Variants in TENM4 observed in about 807,000 individuals in gnomAD.
The protein encoded by TENM4 is teneurin-4.
Under a neutral mutation model 243.3 loss-of-function variants are expected in TENM4, and 82 were observed. The ratio of observed to expected loss-of-function variants is 0.34; its 90% CI spans 0.28 to 0.40. The LOEUF is 0.40. Ranked by LOEUF, TENM4 falls within the 10% of genes least tolerant of loss-of-function variation. TENM4 has a pLI of 1.00. For missense variants in TENM4, 3,138 were observed against 3,673.3 expected, an observed-to-expected ratio of 0.85 and a Z score of 3.77; for synonymous variants, 1,412 against 1,456.3, an observed-to-expected ratio of 0.97 and a Z score of 0.69.
chr11:79,324,248 G>T (rs1264176712), intron 1 of TENM4, among the ~76,000 whole-genome samples: 1 of 151,648 alleles, frequency 6.6e-6, no homozygotes, highest in Non-Finnish European at 1.5e-5. Flanking sequence ...TAGAGACAGG[G>T]TCTCACTCTG....
In TENM4 at chr11:78,712,610, A is replaced by G. The variant is rs1310857302; in HGVS notation, c.3926T>C (p.Val1309Ala). 1 of 1,613,966 alleles carries G rather than the reference A, an allele frequency of 6.2e-7. No individual in the cohort carries two copies. The highest frequency in any genetic ancestry group is 1.1e-5 in the South Asian group (1 of 91,080). Residue 1309 changes from valine (V) to alanine (A), a missense_variant, in exon 26 of 34, where the codon GTG (valine) becomes GCG (alanine). Transcript: ENST00000278550. ...SRRVFKIKST[V>A]VVKDLVKNSE... ...GTTCTTGACAAGGTCCTTCACCACC[A>G]CAGTGGACTTGATTTTAAAGACCCG...
intron 6 of TENM4, among the ~76,000 whole-genome samples, chr11:78,972,617 T>A: frequency 6.6e-6 from 1 of 152,210 alleles, no homozygotes; most frequent in South Asian, 2.1e-4. Context: ...TCTGCTTGTT[T>A]GACACAGGTA....
In TENM4 at chr11:78,869,502, A is replaced by G. The variant is rs373692504; in HGVS notation, c.1085-6370T>C. On this transcript the variant is annotated intron_variant, in intron 9 of 33. Coordinates refer to ENST00000278550, the MANE Select transcript of TENM4 (RefSeq NM_001098816.3). ...TAGTGTCACAAGCAATAGGTAGAAGAGAAAGATGATACAGCATGGGGGAGG... is the reference window on the plus strand; with the variant it reads ...TAGTGTCACAAGCAATAGGTAGAAGGGAAAGATGATACAGCATGGGGGAGG... 2.4e-3 allele frequency among the ~76,000 whole-genome samples: 364 copies of G among 152,320 alleles called. 2 individuals carry two copies. The highest frequency in any genetic ancestry group is 8.4e-3 in the African/African-American group (349 of 41,568).
At chr11:79,242,488 C>T (rs1393244592) in intron 2 of TENM4, among the ~76,000 whole-genome samples, 1 of 152,198 alleles carries the variant, frequency 6.6e-6, no homozygotes, top group Non-Finnish European at 1.5e-5. Context: ...GTTTTTCCTT[C>T]CTGTTATTTT....
At chr11:79,004,283 C>T (rs1176915677) in intron 6 of TENM4, among the ~76,000 whole-genome samples, 1 of 152,144 alleles carries the variant, frequency 6.6e-6, no homozygotes, top group Non-Finnish European at 1.5e-5. Context: ...AATGCTTGAC[C>T]AAATGGACCT....
chr11:78,887,830 C>A (rs565057271), intron 9 of TENM4, among the ~76,000 whole-genome samples: 2 of 152,362 alleles, frequency 1.3e-5, no homozygotes, highest in Admixed American at 1.3e-4. Flanking sequence ...CTTACTCTTT[C>A]TCACTGAATT....
Position 78,669,257 on chromosome 11 carries a change from A to T in TENM4, c.7088T>A (p.Ile2363Asn), listed in dbSNP as rs1858246636. 3 of 1,614,010 alleles carry T rather than the reference A, an allele frequency of 1.9e-6. No homozygotes were observed. The highest frequency in any genetic ancestry group is 2.5e-6 in the Non-Finnish European group (3 of 1,179,888). Residue 2363 changes from isoleucine to asparagine, a missense_variant, in exon 32 of 34, where the codon ATC becomes AAC. By Grantham distance (149) the Ile-to-Asn change is moderately radical. This residue lies in a region of TENM4 where 2,467 missense variants were observed against 3,059.1 expected (regional missense o/e 0.81). Transcript: ENST00000278550. The surrounding 1 kb of genome is among the most constrained non-coding windows in gnomAD (Gnocchi z 6.4). Reference protein sequence around the residue: ...GDEFYIACDNIGTPLAVFSGT... With the variant: ...GDEFYIACDNNGTPLAVFSGT... ...ACTAAAGACAGCAAGAGGGGTCCCG[A>T]TGTTGTCACAAGCTATGTAAAACTC...
At position 78,863,053 on chromosome 11, in the gene TENM4, G is replaced by A; in HGVS notation, c.1164C>T (p.Ser388=). The change falls in exon 10 of 34, where the codon AGC becomes AGT. Residue 388 remains serine (S), a synonymous_variant. Transcript: ENST00000278550. ...AGACGTCGGTTGGCACAGGCCAACTGCTGGCTGTGTCCTCCGTGATCTCAT... is the reference window on the plus strand; with the variant it reads ...AGACGTCGGTTGGCACAGGCCAACTACTGGCTGTGTCCTCCGTGATCTCAT... ...QMYEITEDTA[S]SWPVPTDVSL... is the part of the protein sequence containing the mutation. 2 of 1,538,572 alleles carry A rather than the reference G, an allele frequency of 1.3e-6. No individual in the cohort carries two copies. The highest frequency in any genetic ancestry group is 1.7e-4 in the Middle Eastern group (1 of 5,936).
chr11:79,113,310 T>C (rs532862881), intron 4 of TENM4, among the ~76,000 whole-genome samples: 20 of 151,960 alleles, frequency 1.3e-4, no homozygotes, highest in African/African-American at 4.8e-4. Context: ...AGGGAAAGCA[T>C]GAAGAAAATT....
intron 1 of TENM4, among the ~76,000 whole-genome samples, chr11:79,323,023 C>A (rs1440595018): frequency 2.0e-5 from 3 of 152,118 alleles, no homozygotes; most frequent in African/African-American, 4.8e-5. Context: ...GCCTAAGACT[C>A]AAAAAGAATT....
chr11:78,897,274 T>TTGCCCCAGAGTC (rs1438667112), intron 7 of TENM4, among the ~76,000 whole-genome samples: 1 of 152,162 alleles, frequency 6.6e-6, no homozygotes, highest in Non-Finnish European at 1.5e-5. Context: ...TGTGCCTGGT[T>TTGCCCCAGAGTC]TGCCCCAGAG....
Position 78,803,842 on chromosome 11 carries a change from C to T in TENM4, c.2179+1450G>A, listed in dbSNP as rs375016844. ...GCTTTAAGAGGACCATTTATTATAT[C>T]GCTATAAACAGAGCTATATAAAAAG... On this transcript the variant is annotated intron_variant, in intron 15 of 33. Coordinates refer to ENST00000278550, the MANE Select transcript of TENM4 (RefSeq NM_001098816.3). Among the ~76,000 whole-genome samples the T allele has an allele frequency of 1.1e-4, 16 of 152,328 alleles. No individual in the cohort carries two copies. In the South Asian group the frequency reaches 2.1e-3, roughly 20 times the overall value.
intron 6 of TENM4, among the ~76,000 whole-genome samples, chr11:78,926,819 G>A (rs1856563472): frequency 6.6e-6 from 1 of 152,016 alleles, no homozygotes; most frequent in African/African-American, 2.4e-5. Flanking sequence ...CTAATGTGGT[G>A]AACACCAGTG....
chr11:79,017,930 C>T (rs1239447618), intron 6 of TENM4, among the ~76,000 whole-genome samples: 1 of 152,150 alleles, frequency 6.6e-6, no homozygotes, highest in African/African-American at 2.4e-5. Flanking sequence ...TTTCATTTTA[C>T]ACTGGGTTCC....
intron 1 of TENM4, among the ~76,000 whole-genome samples, chr11:79,387,936 C>G (rs1489598366): frequency 6.6e-6 from 1 of 152,208 alleles, no homozygotes; most frequent in African/African-American, 2.4e-5. Flanking sequence ...GCCCAAGAGG[C>G]TGGGGCTGCA....
chr11:78,722,963 T>C, intron 23 of TENM4, 46 bp from the exon 24 acceptor site: 1 of 1,599,444 alleles, frequency 6.3e-7, no homozygotes, highest in South Asian at 1.1e-5. Context: ...AGGAAATGGG[T>C]ATCTTTTCCT....
At chr11:78,874,681 A>G (rs1197839082) in intron 9 of TENM4, among the ~76,000 whole-genome samples, 1 of 152,102 alleles carries the variant, frequency 6.6e-6, no homozygotes, top group Non-Finnish European at 1.5e-5. Flanking sequence ...CCCTTTTTGC[A>G]AAGAGAGTTG....
At chr11:78,795,281 T>C (rs755133472) in intron 15 of TENM4, among the ~76,000 whole-genome samples, 4 of 152,160 alleles carry the variant, frequency 2.6e-5, no homozygotes, top group Non-Finnish European at 5.9e-5. Context: ...AATTAATCTC[T>C]GCATTCCCTA....
At chr11:79,261,708 AG>A (rs775126060) in intron 2 of TENM4, among the ~76,000 whole-genome samples, 2 of 151,992 alleles carry the variant, frequency 1.3e-5, no homozygotes, top group Non-Finnish European at 2.9e-5. Flanking sequence ...CTTTAGGAGG[AG>A]GAGCGCTATG....
Sources: gnomAD v4.1 joint callset for allele counts (sites outside exome capture counted in the v4.1 genomes callset) on GRCh38, gnomAD v4.1.1 for gene constraint, gnomAD v4.1.1 regional missense constraint, Gnocchi (gnomAD v3.1) non-coding constraint, MANE v1.5 for transcripts, NCBI Gene and HGNC (gene_info 2026-07-23, HGNC 2026-07-21) for gene names.